The following SGPP2 variants were observed in gnomAD, a reference collection of about 807,000 sequenced individuals.
The protein encoded by SGPP2 is sphingosine-1-phosphate phosphatase 2, also known as sphingosine 1-phosphate phosphohydrolase 2.
SGPP2 carries 30 observed loss-of-function variants against 33.9 expected under a neutral mutation model. The observed-to-expected ratio is 0.89, with a 90% CI of 0.66 to 1.20. The LOEUF is 1.20. Ranked by LOEUF, SGPP2 falls within the 50% of genes most tolerant of loss-of-function variation. The probability of loss-of-function intolerance (pLI) is 0.00; values close to 1 mark genes in which losing one functional copy is unlikely to be tolerated. For synonymous variants in SGPP2, 233 were observed against 225.0 expected, an observed-to-expected ratio of 1.04 and a Z score of -0.32; for missense variants, 458 against 532.1, an observed-to-expected ratio of 0.86 and a Z score of 1.37.
chr2:222,475,128 A>G (rs184569640), intron 2 of SGPP2, among the ~76,000 whole-genome samples: 53 of 152,290 alleles, frequency 3.5e-4, no homozygotes, highest in Non-Finnish European at 5.7e-4. Flanking sequence ...ACTAAAAGCC[A>G]AGGTGGGCGG....
At chr2:222,546,091 A>G (rs888077689) in intron 4 of SGPP2, among the ~76,000 whole-genome samples, 5 of 152,240 alleles carry the variant, frequency 3.3e-5, no homozygotes, top group African/African-American at 1.2e-4. Flanking sequence ...GGTCCTTAAA[A>G]CATGCTCACT....
intron 2 of SGPP2, among the ~76,000 whole-genome samples, chr2:222,520,722 GAAA>G (rs369507692): frequency 1.3e-4 from 5 of 39,702 alleles, no homozygotes; most frequent in Admixed American, 6.3e-4. Context: ...GTGAGACTCT[GAAA>G]AAAAAAAAAA....
At chr2:222,445,134 G>T (rs1410991704) in intron 1 of SGPP2, among the ~76,000 whole-genome samples, 1 of 152,202 alleles carries the variant, frequency 6.6e-6, no homozygotes, top group African/African-American at 2.4e-5. Context: ...GTAAGGTGAA[G>T]ATAGTAACTA....
intron 1 of SGPP2, among the ~76,000 whole-genome samples, chr2:222,435,136 A>G (rs184600055): frequency 7.9e-5 from 12 of 151,854 alleles, no homozygotes; most frequent in Non-Finnish European, 1.6e-4. Flanking sequence ...ACGAGGTCCC[A>G]CAATAGGCCT....
intron 1 of SGPP2, among the ~76,000 whole-genome samples, chr2:222,425,103 G>A (rs370691147): frequency 6.8e-4 from 104 of 152,356 alleles, no homozygotes; most frequent in African/African-American, 2.5e-3. Context: ...TTAAATTCAC[G>A]TAGATGCCAG....
chr2:222,536,485 G>C (rs1322158634), intron 4 of SGPP2, among the ~76,000 whole-genome samples: 1 of 152,134 alleles, frequency 6.6e-6, no homozygotes, highest in African/African-American at 2.4e-5. Context: ...TTCGAGACCA[G>C]CCTGACCAAC....
intron 2 of SGPP2, among the ~76,000 whole-genome samples, chr2:222,490,015 G>T (rs1213417775): frequency 1.3e-5 from 2 of 152,094 alleles, no homozygotes; most frequent in Non-Finnish European, 2.9e-5. Context: ...AGCCTGAGTT[G>T]CAGAAAACCA....
In SGPP2 at chr2:222,562,476, T is replaced by C. The variant is rs1170818911; in HGVS notation, c.*3578T>C. On this transcript the variant is annotated 3_prime_UTR_variant, in exon 5 of 5. Transcript: ENST00000321276. ...GGCAACTCATGCTTCCTGAGTGTAA[T>C]CAAAGCATGTGGTGTTTTGGGGCCA... 6.6e-6 allele frequency among the ~76,000 whole-genome samples: 1 copy of C among 152,218 alleles called. No individual in the cohort carries two copies. The highest frequency in any genetic ancestry group is 1.9e-4 in the East Asian group (1 of 5,194).
chr2:222,424,970 G>A, intron 1 of SGPP2, 149 bp downstream of exon 1: 2 of 622,088 alleles, frequency 3.2e-6, no homozygotes, highest in Non-Finnish European at 4.7e-6. Flanking sequence ...CGGACGGGGA[G>A]GCCTGGCCTT....
intron 1 of SGPP2, among the ~76,000 whole-genome samples, chr2:222,444,770 G>T (rs1461809322): frequency 6.6e-6 from 1 of 152,166 alleles, no homozygotes; most frequent in African/African-American, 2.4e-5. Flanking sequence ...GATAGAACTA[G>T]GTGCAGCAGA....
intron 2 of SGPP2, among the ~76,000 whole-genome samples, chr2:222,501,209 C>A (rs1010072039): frequency 1.6e-4 from 25 of 152,160 alleles, no homozygotes; most frequent in Non-Finnish European, 2.1e-4. Context: ...TTCCTGCAGT[C>A]CAGCTAACTG....
At chr2:222,470,841 G>A (rs1028248696) in intron 1 of SGPP2, among the ~76,000 whole-genome samples, 2 of 152,186 alleles carry the variant, frequency 1.3e-5, no homozygotes, top group African/African-American at 2.4e-5. Context: ...TTTATAGGGT[G>A]TGCCTCAAGG....
intron 1 of SGPP2, among the ~76,000 whole-genome samples, chr2:222,455,654 C>G (rs917861243): frequency 6.6e-6 from 1 of 152,208 alleles, no homozygotes; most frequent in Non-Finnish European, 1.5e-5. Context: ...TTGGGCTGCT[C>G]TGTACAATAC....
chr2:222,469,252 C>T (rs1459719285), intron 1 of SGPP2, among the ~76,000 whole-genome samples: 2 of 152,132 alleles, frequency 1.3e-5, no homozygotes, highest in Non-Finnish European at 2.9e-5. Context: ...GGCGTGATCT[C>T]GGCTCACCGC....
In SGPP2 at chr2:222,465,797, C is replaced by T. The variant is rs1697736334; in HGVS notation, c.220-8771C>T. Among the ~76,000 whole-genome samples, 1 of 152,114 alleles carries T rather than the reference C, an allele frequency of 6.6e-6. No homozygotes were observed. Among genetic ancestry groups the T allele is most frequent in the South Asian group, 2.1e-4 (1 of 4,828 alleles). On this transcript the variant is annotated intron_variant, in intron 1 of 4. Coordinates refer to ENST00000321276, the MANE Select transcript of SGPP2 (RefSeq NM_152386.4). This position sits in a 1 kb window ranked among gnomAD's most constrained non-coding sequence, Gnocchi z 4.1. ...CCTCTCTGTCTCTTTCACACATATC[C>T]CAGCAGGCAGAGCTGCCTCCTGCTT...
intron 4 of SGPP2, among the ~76,000 whole-genome samples, chr2:222,551,375 A>G (rs774939155): frequency 6.6e-6 from 1 of 152,230 alleles, no homozygotes; most frequent in Non-Finnish European, 1.5e-5. Flanking sequence ...AAAAAAATAA[A>G]AATAAAAAGA....
intron 2 of SGPP2, among the ~76,000 whole-genome samples, chr2:222,502,480 T>C (rs1698382004): frequency 6.6e-6 from 1 of 152,244 alleles, no homozygotes; most frequent in Admixed American, 6.5e-5. Context: ...TATTTGCATT[T>C]AGCATTCCTA....
At chr2:222,531,891 C>A (rs1698844366) in intron 4 of SGPP2, among the ~76,000 whole-genome samples, 1 of 152,176 alleles carries the variant, frequency 6.6e-6, no homozygotes, top group Non-Finnish European at 1.5e-5. Context: ...AGACACCCAG[C>A]ATCCACATGA....
chr2:222,533,744 C>T lies in SGPP2; in HGVS notation c.648+8711C>T, dbSNP rs112648504. On this transcript the variant is annotated intron_variant, in intron 4 of 4. Transcript: ENST00000321276. ...TATCTCTGCATGGTGGATTCATACT[C>T]TCGGTCTGCCATCCTCCCTGAGATT... Among the ~76,000 whole-genome samples, 1,414 of 152,148 alleles carry T rather than the reference C, an allele frequency of 9.3e-3. 17 individuals carry two copies. Among genetic ancestry groups the T allele is most frequent in the African/African-American group, 0.032 (1,347 of 41,496 alleles).
Sources: gnomAD v4.1 joint callset for allele counts (sites outside exome capture counted in the v4.1 genomes callset) on GRCh38, gnomAD v4.1.1 for gene constraint, Gnocchi (gnomAD v3.1) non-coding constraint, MANE v1.5 for transcripts, NCBI Gene and HGNC (gene_info 2026-07-23, HGNC 2026-07-21) for gene names.